Variants in LRCH1 observed in about 807,000 individuals in gnomAD.
LRCH1 encodes the protein leucine-rich repeat and calponin homology domain-containing protein 1.
In LRCH1, 23 loss-of-function variants were observed where a neutral mutation model predicts 94.9. That is an observed-to-expected ratio of 0.24 (90% CI 0.17 to 0.34). The LOEUF is 0.34. LRCH1 is among the 10% of genes least tolerant of loss of function. The pLI is 1.00. For synonymous variants in LRCH1, 364 were observed against 354.9 expected, an observed-to-expected ratio of 1.03 and a Z score of -0.29; for missense variants, 790 against 945.9, an observed-to-expected ratio of 0.84 and a Z score of 2.16.
At position 46,742,098 on chromosome 13, in the gene LRCH1, C is replaced by T; in HGVS notation, c.*250C>T. 2 of 1,336,852 alleles carry T rather than the reference C, an allele frequency of 1.5e-6. No individual in the cohort carries two copies. Among genetic ancestry groups the T allele is most frequent in the Non-Finnish European group, 1.9e-6 (2 of 1,041,184 alleles). 82.8% of individuals were successfully genotyped at this position (1,336,852 alleles called of 1,614,324 possible). ...CTGCAAAGTGTATGCACACCGCATG[C>T]TTCCTCATCCACATAGTGCCAGCAG... On this transcript the variant is annotated 3_prime_UTR_variant, in exon 20 of 20. Transcript: ENST00000389797.
intron 1 of LRCH1, among the ~76,000 whole-genome samples, chr13:46,614,294 A>G (rs1399151404): frequency 6.6e-6 from 1 of 152,080 alleles, no homozygotes; most frequent in African/African-American, 2.4e-5. Flanking sequence ...ATGCCTTTTG[A>G]GGCAGTATAG....
chr13:46,616,097 T>C (rs914518948), intron 1 of LRCH1, among the ~76,000 whole-genome samples: 42 of 152,222 alleles, frequency 2.8e-4, no homozygotes, highest in African/African-American at 8.4e-4. Context: ...GCAGCTGAAC[T>C]GTGTACTGGG....
rs1873736068 is a variant in LRCH1, at chr13:46,742,802, G to C, written c.*954G>C. 1.0e-6 allele frequency: 1 copy of C among 985,336 alleles called. No individual in the cohort carries two copies. Among genetic ancestry groups the C allele is most frequent in the Non-Finnish European group, 1.2e-6 (1 of 829,908 alleles). The allele number at this position is 985,336 out of a possible 1,614,324, so 61.0% of individuals were successfully genotyped here. On this transcript the variant is annotated 3_prime_UTR_variant, in exon 20 of 20. Coordinates refer to ENST00000389797, the MANE Select transcript of LRCH1 (RefSeq NM_001164211.2). The stretch of plus-strand genomic sequence containing the variant: ...GAACATTCTTGGTCCTGGTGCTTGG[G>C]TTATGATGGCAGGAGTCAAGAAGAA...
intron 17 of LRCH1, 121 bp downstream of exon 17, chr13:46,723,451 C>A: frequency 1.4e-6 from 1 of 737,288 alleles, no homozygotes. Flanking sequence ...CACTTAGTGA[C>A]TGCTGGATGT....
chr13:46,648,055 A>G (rs2138074660), intron 1 of LRCH1, among the ~76,000 whole-genome samples: 1 of 152,260 alleles, frequency 6.6e-6, no homozygotes, highest in Middle Eastern at 3.4e-3. Context: ...TAATGAAATA[A>G]TTATATAACT....
At chr13:46,576,174 T>G (rs2050302336) in intron 1 of LRCH1, among the ~76,000 whole-genome samples, 1 of 152,152 alleles carries the variant, frequency 6.6e-6, no homozygotes, top group Non-Finnish European at 1.5e-5. Flanking sequence ...GAGCCTTTTG[T>G]TCATGTAACT....
chr13:46,742,956 C>G lies in LRCH1; in HGVS notation c.*1108C>G. ...TCAAAGGATTATATAGTAACTATAT[C>G]TGCATTTGGAGCAATGTGATCAGTT... On this transcript the variant is annotated 3_prime_UTR_variant, in exon 20 of 20. Coordinates refer to ENST00000389797, the MANE Select transcript of LRCH1 (RefSeq NM_001164211.2). 2 of 985,350 alleles carry G rather than the reference C, an allele frequency of 2.0e-6. No homozygotes were observed. Among genetic ancestry groups the G allele is most frequent in the Non-Finnish European group, 2.4e-6 (2 of 829,872 alleles). 61.0% of individuals were successfully genotyped at this position (985,350 alleles called of 1,614,324 possible).
At chr13:46,663,357 A>AT (rs2051473386) in intron 2 of LRCH1, among the ~76,000 whole-genome samples, 1 of 151,988 alleles carries the variant, frequency 6.6e-6, no homozygotes. Context: ...GTTGTTGCTC[A>AT]TTGTCTTAGA....
chr13:46,600,160 T>TA (rs11421583), intron 1 of LRCH1, among the ~76,000 whole-genome samples: 128,443 of 152,230 alleles, frequency 0.84, 54,362 homozygotes, highest in East Asian at 0.92. Context: ...GTGCTGGGAT[T>TA]ACAGGCGTGA....
intron 1 of LRCH1, among the ~76,000 whole-genome samples, chr13:46,604,799 T>TAA (rs2050670024): frequency 1.3e-5 from 2 of 152,364 alleles, no homozygotes; most frequent in South Asian, 4.1e-4. Context: ...TACAGAGTTT[T>TAA]AACCCTTATC....
At chr13:46,681,080 C>T (rs1332808445) in intron 3 of LRCH1, among the ~76,000 whole-genome samples, 1 of 152,178 alleles carries the variant, frequency 6.6e-6, no homozygotes, top group Non-Finnish European at 1.5e-5. Flanking sequence ...GGATTCCAAT[C>T]AAGGCTTAAT....
intron 4 of LRCH1, 61 bp from the exon 5 acceptor site, chr13:46,685,844 A>G: frequency 2.4e-6 from 3 of 1,226,072 alleles, no homozygotes; most frequent in South Asian, 1.7e-5. Flanking sequence ...ATGATTAGCC[A>G]TTTAATCTTA....
At chr13:46,590,429 G>A (rs943896743) in intron 1 of LRCH1, among the ~76,000 whole-genome samples, 5 of 152,198 alleles carry the variant, frequency 3.3e-5, no homozygotes, top group African/African-American at 1.2e-4. Context: ...TGACAGCAGG[G>A]AGGTGTTGCT....
intron 16 of LRCH1, among the ~76,000 whole-genome samples, chr13:46,716,607 A>T (rs554194991): frequency 6.6e-6 from 1 of 152,344 alleles, no homozygotes; most frequent in East Asian, 1.9e-4. Context: ...AGTATGTTAC[A>T]TGTAATACCT....
At chr13:46,634,261 T>C (rs542593058) in intron 1 of LRCH1, among the ~76,000 whole-genome samples, 240 of 152,292 alleles carry the variant, frequency 1.6e-3, no homozygotes, top group African/African-American at 5.2e-3. Flanking sequence ...AGCTCTTCTT[T>C]GCTTTCAATG....
intron 1 of LRCH1, among the ~76,000 whole-genome samples, chr13:46,578,642 T>C (rs2050330177): frequency 1.3e-5 from 2 of 152,218 alleles, no homozygotes; most frequent in Non-Finnish European, 2.9e-5. Flanking sequence ...AATAATATGC[T>C]GGTCTTTTGG....
chr13:46,585,357 C>T (rs866517998), intron 1 of LRCH1, among the ~76,000 whole-genome samples: 7 of 152,038 alleles, frequency 4.6e-5, no homozygotes, highest in African/African-American at 1.7e-4. Flanking sequence ...GCAGGCGGAT[C>T]ACGAGGTCAG....
intron 13 of LRCH1, among the ~76,000 whole-genome samples, chr13:46,708,383 T>A (rs1350603548): frequency 6.6e-6 from 1 of 150,950 alleles, no homozygotes; most frequent in Non-Finnish European, 1.5e-5. Flanking sequence ...GCAATTCTCC[T>A]GCCTCAGCTT....
At chr13:46,634,421 C>T (rs929151131) in intron 1 of LRCH1, among the ~76,000 whole-genome samples, 1 of 152,190 alleles carries the variant, frequency 6.6e-6, no homozygotes, top group Admixed American at 6.5e-5. Flanking sequence ...AGCTGGCTCC[C>T]TGGATCCCTA....
Sources: allele counts gnomAD v4.1 joint callset (sites outside exome capture counted in the v4.1 genomes callset), GRCh38; gene constraint gnomAD v4.1.1; transcripts MANE v1.5; gene names NCBI Gene and HGNC (gene_info 2026-07-23, HGNC 2026-07-21).